LINGO2: variants seen among roughly 807,000 people sequenced by gnomAD.
LINGO2 encodes the protein leucine-rich repeat and immunoglobulin-like domain-containing nogo receptor-interacting protein 2.
LINGO2 carries 14 observed loss-of-function variants against 30.6 expected under a neutral mutation model. The ratio of observed to expected loss-of-function variants is 0.46; its 90% CI spans 0.30 to 0.72. The LOEUF (loss-of-function observed/expected upper bound fraction) is 0.72, where lower values mean the gene tolerates loss of function less well. LINGO2 is among the 30% of genes least tolerant of loss of function. The pLI, the probability that LINGO2 is intolerant of heterozygous loss-of-function variation, is 0.07. For missense variants in LINGO2, 729 were observed against 751.7 expected, an observed-to-expected ratio of 0.97 and a Z score of 0.35; for synonymous variants, 317 against 288.5, an observed-to-expected ratio of 1.10 and a Z score of -1.00.
At chr9:28,400,623 C>T (rs1180574659) in intron 2 of LINGO2, among the ~76,000 whole-genome samples, 1 of 152,150 alleles carries the variant, frequency 6.6e-6, no homozygotes, top group Non-Finnish European at 1.5e-5. Context: ...ATATTCTATG[C>T]ATAGTGTTTT....
At chr9:28,917,959 G>C in the LINGO2 span, among the ~76,000 whole-genome samples, 20 of 151,978 alleles carry the variant, frequency 1.3e-4, no homozygotes, top group Admixed American at 1.1e-3. Flanking sequence ...GACAAACAGT[G>C]CTAGCGGCCT....
chr9:29,049,727 T>C, the LINGO2 span, among the ~76,000 whole-genome samples: 5 of 152,134 alleles, frequency 3.3e-5, no homozygotes, highest in Non-Finnish European at 7.4e-5. Context: ...ACTGATTTTA[T>C]TTGTGGTATT....
chr9:29,073,997 A>G, the LINGO2 span, among the ~76,000 whole-genome samples: 2 of 151,634 alleles, frequency 1.3e-5, no homozygotes, highest in African/African-American at 4.8e-5. Flanking sequence ...TATATGATAC[A>G]TCTTGGATTT....
chr9:28,995,505 C>G, the LINGO2 span, among the ~76,000 whole-genome samples: 12 of 152,148 alleles, frequency 7.9e-5, no homozygotes, highest in African/African-American at 2.9e-4. Context: ...TTTGACCCAG[C>G]CATCCCATTA....
chr9:28,111,911 A>T (rs1020489661), intron 4 of LINGO2, among the ~76,000 whole-genome samples: 2 of 151,748 alleles, frequency 1.3e-5, no homozygotes, highest in Non-Finnish European at 2.9e-5. Context: ...TTATTTATTT[A>T]TTTATTTTTT....
the LINGO2 span, among the ~76,000 whole-genome samples, chr9:28,865,044 C>T: frequency 6.6e-6 from 1 of 151,886 alleles, no homozygotes; most frequent in Non-Finnish European, 1.5e-5. Flanking sequence ...TAAGGGAATA[C>T]CATATATAAG....
chr9:27,940,250 CCT>C, the LINGO2 span: 2 of 152,076 alleles, frequency 1.3e-5, no homozygotes, highest in African/African-American at 4.8e-5. Context: ...ATTGACATGT[CCT>C]GATTTGCCAA....
At chr9:28,831,248 T>C in the LINGO2 span, among the ~76,000 whole-genome samples, 12 of 152,222 alleles carry the variant, frequency 7.9e-5, no homozygotes, top group African/African-American at 2.4e-4. Flanking sequence ...GAAGTAAGTT[T>C]ACAGGGAGTT....
At chr9:29,124,333 A>G in the LINGO2 span, among the ~76,000 whole-genome samples, 1 of 152,330 alleles carries the variant, frequency 6.6e-6, no homozygotes, top group South Asian at 2.1e-4. Context: ...AGGCAATACC[A>G]TTCAAGACAC....
chr9:28,203,421 T>C (rs1820304469), intron 4 of LINGO2, among the ~76,000 whole-genome samples: 1 of 152,088 alleles, frequency 6.6e-6, no homozygotes, highest in African/African-American at 2.4e-5. Context: ...TTATGAACCA[T>C]TACAAAGAGG....
chr9:28,354,113 T>G (rs555514733), intron 3 of LINGO2, among the ~76,000 whole-genome samples: 2 of 152,168 alleles, frequency 1.3e-5, no homozygotes, highest in Non-Finnish European at 2.9e-5. Flanking sequence ...GTAACTAACC[T>G]GCACAATGTG....
At position 28,424,868 on chromosome 9, in the gene LINGO2, C is replaced by G. The variant is rs556701715; in HGVS notation, c.-279+51072G>C. ...TAAATGGTCAGGCCCTGGAATTAAGCAGGCCTTGTTTGAGTCCTTTCAACC... is the reference window on the plus strand; with the variant it reads ...TAAATGGTCAGGCCCTGGAATTAAGGAGGCCTTGTTTGAGTCCTTTCAACC... On this transcript the variant is annotated intron_variant, in intron 2 of 5. Coordinates refer to ENST00000379992, the Ensembl canonical transcript of LINGO2. Among the ~76,000 whole-genome samples the G allele has an allele frequency of 6.6e-5, 10 of 152,182 alleles. No individual in the cohort carries two copies. The South Asian group carries it at 2.1e-3, about 32-fold the overall frequency.
chr9:28,780,964 G>C, the LINGO2 span, among the ~76,000 whole-genome samples: 1 of 151,654 alleles, frequency 6.6e-6, no homozygotes, highest in Non-Finnish European at 1.5e-5. Context: ...GGAAATTACA[G>C]TAACAAAAAT....
the LINGO2 span, among the ~76,000 whole-genome samples, chr9:28,796,993 A>G: frequency 6.6e-6 from 1 of 151,734 alleles, no homozygotes; most frequent in East Asian, 1.9e-4. Context: ...GTATAAATTA[A>G]TTTGCTTCTA....
At chr9:28,314,572 T>G (rs10968495) in intron 3 of LINGO2, among the ~76,000 whole-genome samples, 50,485 of 152,114 alleles carry the variant, frequency 0.33, 9,692 homozygotes, top group Middle Eastern at 0.45. Context: ...CAAAGCACTT[T>G]GCCAGAGCTA....
chr9:29,058,603 A>C, the LINGO2 span, among the ~76,000 whole-genome samples: 1 of 152,004 alleles, frequency 6.6e-6, no homozygotes, highest in Non-Finnish European at 1.5e-5. Flanking sequence ...AGATTCAAGA[A>C]GCTCATTAAG....
At chr9:27,947,279 T>G (rs1018226685), downstream of LINGO2, among the ~76,000 whole-genome samples, 7 of 152,192 alleles carry the variant, frequency 4.6e-5, no homozygotes, top group African/African-American at 1.7e-4. Context: ...ACCAGATGAC[T>G]GGTGGTCACG....
At chr9:28,050,522 G>A (rs182206780) in intron 4 of LINGO2, among the ~76,000 whole-genome samples, 3 of 150,952 alleles carry the variant, frequency 2.0e-5, no homozygotes, top group African/African-American at 7.3e-5. Flanking sequence ...CAAGAGTAAC[G>A]GCAATCAAAT....
At chr9:28,144,381 T>C (rs1372985712) in intron 4 of LINGO2, among the ~76,000 whole-genome samples, 1 of 152,174 alleles carries the variant, frequency 6.6e-6, no homozygotes, top group Non-Finnish European at 1.5e-5. Context: ...AGATCTATAC[T>C]AACCCATTGA....
Sources: gnomAD v4.1 joint callset for allele counts (sites outside exome capture counted in the v4.1 genomes callset) on GRCh38, gnomAD v4.1.1 for gene constraint, MANE v1.5 for transcripts, NCBI Gene and HGNC (gene_info 2026-07-23, HGNC 2026-07-21) for gene names.